JAG2: variants seen among roughly 807,000 people sequenced by gnomAD.
The protein encoded by JAG2 is jagged canonical Notch ligand 2.
A neutral mutation model predicts 141.7 loss-of-function variants in JAG2; 46 were observed. The observed-to-expected ratio is 0.32, with a 90% CI of 0.26 to 0.42. The LOEUF (loss-of-function observed/expected upper bound fraction) is 0.42. JAG2 is among the 10% of genes least tolerant of loss of function. The pLI is 1.00. For missense variants in JAG2, 1,500 were observed against 1,817.5 expected (o/e 0.83, Z 3.18); for synonymous variants, 862 against 763.5 (o/e 1.13, Z -2.13).
chr14:105,144,363 C>T (rs1368589960), intron 24 of JAG2, among the ~76,000 whole-genome samples: 1 of 152,194 alleles, frequency 6.6e-6, no homozygotes, highest in African/African-American at 2.4e-5. Flanking sequence ...TCCCCCACCC[C>T]CTCTGCGGCC....
intron 2 of JAG2, among the ~76,000 whole-genome samples, chr14:105,161,300 CA>C (rs143783775): frequency 0.014 from 2,176 of 152,082 alleles, 52 homozygotes; most frequent in African/African-American, 0.05. Flanking sequence ...CCAGCAGGAC[CA>C]GGAAGCAGCA....
chr14:105,166,826 AG>A (rs1160601087), intron 2 of JAG2, among the ~76,000 whole-genome samples: 5 of 152,172 alleles, frequency 3.3e-5, no homozygotes, highest in Non-Finnish European at 5.9e-5. Flanking sequence ...CCCTGATCAC[AG>A]GTCTGCATGG....
chr14:105,162,483 G>C (rs1888777633), intron 2 of JAG2, among the ~76,000 whole-genome samples: 1 of 152,178 alleles, frequency 6.6e-6, no homozygotes, highest in Non-Finnish European at 1.5e-5. Flanking sequence ...TCAAAGCCCA[G>C]GGTACCCCAG....
Position 105,146,413 on chromosome 14 carries a change from CA to C in JAG2, c.2680del (p.Cys894AlafsTer27). The part of the protein sequence containing the change: ...SWVEDCNSCR[C>X]LDGRRDCSKV... ...GCTGCAGTCACGGCGGCCATCCAGG[CA>C]GCGGCAGCTGTTGCAGTCTTCCACC... On this transcript the variant is annotated frameshift_variant, in exon 22 of 26. Transcript: ENST00000331782. LOFTEE classifies it high-confidence loss of function. 1 of 1,612,684 alleles carries C rather than the reference CA, an allele frequency of 6.2e-7. No individual in the cohort carries two copies. Among genetic ancestry groups the C allele is most frequent in the Non-Finnish European group, 8.5e-7 (1 of 1,179,866 alleles).
In JAG2 at chr14:105,142,786, G is replaced by C. The variant is rs56753050; in HGVS notation, c.3626C>G (p.Pro1209Arg). ...HKFTKDPGRSPGRPAHWASGP... is the reference protein window; with the variant it reads ...HKFTKDPGRSRGRPAHWASGP... ...TGAGGCCCAGTGGGCCGGCCTCCCCGGCGAGCGGCCAGGATCTTTGGTGAA... is the reference window on the plus strand; with the variant it reads ...TGAGGCCCAGTGGGCCGGCCTCCCCCGCGAGCGGCCAGGATCTTTGGTGAA... The change falls in exon 26 of 26, where the codon CCG becomes CGG. Residue 1209 changes from proline to arginine, a missense_variant. Pro to Arg is a moderately radical substitution (Grantham distance 103). This residue lies in a region of JAG2 where 425 missense variants were observed against 441.0 expected (regional missense o/e 0.96). Coordinates refer to ENST00000331782, the MANE Select transcript of JAG2 (RefSeq NM_002226.5). The C allele has an allele frequency of 6.2e-7, 1 of 1,610,932 alleles. No homozygotes were observed. The highest frequency in any genetic ancestry group is 1.1e-5 in the South Asian group (1 of 90,666).
Position 105,146,731 on chromosome 14 carries a change from G to A in JAG2, c.2480-7C>T, listed in dbSNP as rs1943202679. 4 of 1,604,964 alleles carry A rather than the reference G, an allele frequency of 2.5e-6. No homozygotes were observed. The highest frequency in any genetic ancestry group is 3.4e-6 in the Non-Finnish European group (4 of 1,173,380). ...GACTGGCACTCGTCGATGTCTGCAG[G>A]GAGAGCCACCGCTGCTCAGTGCAGT... On this transcript the variant is annotated splice_polypyrimidine_tract_variant and splice_region_variant and intron_variant, in intron 20 of 25. Coordinates refer to ENST00000331782, the MANE Select transcript of JAG2 (RefSeq NM_002226.5).
At chr14:105,155,515 T>TGAGGGCAAAGGTTGG (rs746830146) in intron 5 of JAG2, 47 bp downstream of exon 5, 2 of 1,605,604 alleles carry the variant, frequency 1.2e-6, no homozygotes, top group South Asian at 1.1e-5. Flanking sequence ...AGTGAGGACG[T>TGAGGGCAAAGGTTGG]GAGGGCAAAG....
At position 105,167,870 on chromosome 14, in the gene JAG2, A is replaced by C; in HGVS notation, c.304T>G (p.Ser102Ala). The change falls in exon 2 of 26, where the codon TCC becomes GCC. Residue 102 changes from serine to alanine, a missense_variant. By Grantham distance (99) the Ser-to-Ala change is moderately conservative. Around this residue, in one of 3 missense-constraint regions of JAG2, gnomAD observed 200 missense variants for 174.3 expected, o/e 1.15. Transcript: ENST00000331782. This position sits in a 1 kb window ranked among gnomAD's most constrained non-coding sequence, Gnocchi z 4.8. ...HGATPVLGGN[S>A]FYLPPAGAAG... is the part of the protein sequence containing the mutation. Reference sequence around the variant, plus strand: ...GCGCCCGCCGGCGGCAGGTAGAAGGAGTTGCCGCCCAGCACGGGCGTGGCG... The same window carrying C: ...GCGCCCGCCGGCGGCAGGTAGAAGGCGTTGCCGCCCAGCACGGGCGTGGCG... 2 of 1,564,398 alleles carry C rather than the reference A, an allele frequency of 1.3e-6. No homozygotes were observed. Among genetic ancestry groups the C allele is most frequent in the Non-Finnish European group, 1.7e-6 (2 of 1,162,764 alleles).
intron 11 of JAG2, 40 bp downstream of exon 11, chr14:105,150,825 C>A: frequency 1.3e-6 from 2 of 1,572,798 alleles, no homozygotes; most frequent in South Asian, 1.2e-5. Context: ...CTGACGGCCC[C>A]GCAGCACCCA....
Position 105,148,226 on chromosome 14 carries a change from T to A in JAG2, c.2138A>T (p.Glu713Val). ...GWKGKTCHSREFQCDAYTCSN... is the reference protein window; with the variant it reads ...GWKGKTCHSRVFQCDAYTCSN... ...GCAGGTGTAGGCATCGCACTGGAAC[T>A]CGCCTGTTGGCACATGGGCCGCTCA... The change falls in exon 17 of 26, where the codon GAG (glutamate) becomes GTG (valine). Residue 713 changes from glutamate (E) to valine (V), a missense_variant. By Grantham distance (121) the Glu-to-Val change is moderately radical. Around this residue, in one of 3 missense-constraint regions of JAG2, gnomAD observed 875 missense variants for 1,202.2 expected, o/e 0.73. Coordinates refer to ENST00000331782, the MANE Select transcript of JAG2 (RefSeq NM_002226.5). 1 of 1,560,662 alleles carries A rather than the reference T, an allele frequency of 6.4e-7. No homozygotes were observed.
intron 2 of JAG2, among the ~76,000 whole-genome samples, chr14:105,163,972 C>G (rs1174125872): frequency 1.3e-5 from 2 of 152,106 alleles, no homozygotes; most frequent in African/African-American, 4.8e-5. Flanking sequence ...CAGGCCGAAG[C>G]CTGGCTCCAC....
intron 23 of JAG2, among the ~76,000 whole-genome samples, 187 bp downstream of exon 23, chr14:105,145,544 C>T (rs2140971261): frequency 6.6e-6 from 1 of 152,358 alleles, no homozygotes; most frequent in East Asian, 1.9e-4. Flanking sequence ...GCCTCCTCTG[C>T]CACCTCCACC....
chr14:105,147,694 A>AGTGGGGGG, intron 18 of JAG2, 78 bp downstream of exon 18: 11 of 1,090,720 alleles, frequency 1.0e-5, no homozygotes, highest in Non-Finnish European at 1.3e-5. Flanking sequence ...GGCAGAAGGG[A>AGTGGGGGG]CTGGGGGGCG....
intron 25 of JAG2, 80 bp from the exon 26 acceptor site, chr14:105,143,250 G>T: frequency 6.8e-7 from 1 of 1,477,344 alleles, no homozygotes; most frequent in Non-Finnish European, 9.2e-7. Context: ...AGGCCTGGGA[G>T]GGCCCTGCGG....
In JAG2 at chr14:105,145,988, A is replaced by G. The variant is rs1653554000; in HGVS notation, c.2710-15T>C. ...CCGCACCACACCTGGGCAGGCACGC[A>G]CAGGAGGGTCAGGCGCAGGCGCACA... On this transcript the variant is annotated splice_polypyrimidine_tract_variant and intron_variant, in intron 22 of 25. Coordinates refer to ENST00000331782, the MANE Select transcript of JAG2 (RefSeq NM_002226.5). 2 of 1,591,878 alleles carry G rather than the reference A, an allele frequency of 1.3e-6. No individual in the cohort carries two copies. The highest frequency in any genetic ancestry group is 1.7e-6 in the Non-Finnish European group (2 of 1,171,978).
rs1231803834 is a variant in JAG2 at position 105,142,918 on chromosome 14, A to T, written c.3494T>A (p.Leu1165Gln). ...GGCCGCGTGGCCGGCCGGCCCGGGC[A>T]GCGCCTCGTCCGCCCTGCGCGGCGG... ...TPPPRRADEALPGPAGHAAVR... is the reference protein window; with the variant it reads ...TPPPRRADEAQPGPAGHAAVR... Residue 1165 changes from leucine to glutamine, a missense_variant, in exon 26 of 26, where the codon CTG becomes CAG. Transcript: ENST00000331782. The T allele has an allele frequency of 6.2e-7, 1 of 1,607,698 alleles. No individual in the cohort carries two copies. Among genetic ancestry groups the T allele is most frequent in the Non-Finnish European group, 8.5e-7 (1 of 1,177,536 alleles).
At chr14:105,147,598 G>A in intron 18 of JAG2, 71 bp from the exon 19 acceptor site, 2 of 1,505,568 alleles carry the variant, frequency 1.3e-6, no homozygotes, top group Non-Finnish European at 1.8e-6. Context: ...GTCCAGGCTG[G>A]CTTGGCGTGA....
chr14:105,142,962 C>G lies in JAG2; in HGVS notation c.3450G>C (p.Gln1150His). The change falls in exon 26 of 26, where the codon CAG (glutamine) becomes CAC (histidine). Residue 1150 changes from glutamine (Q) to histidine (H), a missense_variant. This residue lies in a region of JAG2 where 425 missense variants were observed against 441.0 expected (regional missense o/e 0.96). Transcript: ENST00000331782. ...GCGGCGGCGGCGTGAAGTTCTTGCA[C>G]TGGTAGAGCACGTCCTTGTGGCCCC... ...RPGGHKDVLY[Q>H]CKNFTPPPRR... is the part of the protein sequence containing the mutation. The G allele has an allele frequency of 6.2e-7, 1 of 1,610,254 alleles. No homozygotes were observed. Among genetic ancestry groups the G allele is most frequent in the Non-Finnish European group, 8.5e-7 (1 of 1,178,880 alleles).
Position 105,167,910 on chromosome 14 carries a change from G to A in JAG2, c.264C>T (p.Cys88=). Residue 88 remains cysteine (C), a synonymous_variant, in exon 2 of 26, where the codon TGC becomes TGT. Transcript: ENST00000331782. The surrounding 1 kb of genome is among the most constrained non-coding windows in gnomAD (Gnocchi z 4.8). ...YQAKVTPTGP[C]SYGHGATPVL... ...CGGGCGTGGCGCCGTGGCCGTAGCTGCAGGGCCCCGTGGGCGTCACCTTGG... is the reference window on the plus strand; with the variant it reads ...CGGGCGTGGCGCCGTGGCCGTAGCTACAGGGCCCCGTGGGCGTCACCTTGG... 1 of 1,595,120 alleles carries A rather than the reference G, an allele frequency of 6.3e-7. No individual in the cohort carries two copies. The highest frequency in any genetic ancestry group is 8.5e-7 in the Non-Finnish European group (1 of 1,174,654).
Sources: gnomAD v4.1 joint callset for allele counts (sites outside exome capture counted in the v4.1 genomes callset) on GRCh38, gnomAD v4.1.1 for gene constraint, gnomAD v4.1.1 regional missense constraint, Gnocchi (gnomAD v3.1) non-coding constraint, MANE v1.5 for transcripts, NCBI Gene and HGNC (gene_info 2026-07-23, HGNC 2026-07-21) for gene names.